Variants in SNRPN observed in about 807,000 individuals in gnomAD.
The protein encoded by SNRPN is small nuclear ribonucleoprotein-associated protein N.
SNRPN carries 7 observed loss-of-function variants against 25.2 expected under a neutral mutation model. The observed-to-expected ratio is 0.28, with a 90% CI of 0.16 to 0.52. The LOEUF (loss-of-function observed/expected upper bound fraction) is 0.52, where lower values mean the gene tolerates loss of function less well. Among genes scored for constraint, SNRPN ranks in the 20% least tolerant of loss-of-function variants. The probability of loss-of-function intolerance (pLI) is 0.96; values close to 1 mark genes in which losing one functional copy is unlikely to be tolerated. For missense variants in SNRPN, 196 were observed against 322.5 expected (o/e 0.61, Z 3.00); for synonymous variants, 124 against 110.6 (o/e 1.12, Z -0.76).
rs71127014 is a variant in SNRPN, at chr15:24,908,052, C to CAAAAAAA, written c.-504-11939_-504-11933dup. ...TGGGCAACAGAGCTAGACTCCATCT[C>CAAAAAAA]AAAAAAAAAAAAAAAAAAAAAAAAA... On this transcript the variant is annotated intron_variant, in intron 2 of 11. Transcript: ENST00000400097. Among the ~76,000 whole-genome samples, 15 of 70,702 alleles carry CAAAAAAA rather than the reference C, an allele frequency of 2.1e-4. 1 individual carries two copies. The highest frequency in any genetic ancestry group is 1.7e-3 in the East Asian group (4 of 2,418). 46.4% of individuals were successfully genotyped at this position (70,702 alleles called of 152,430 possible). A position where few individuals can be genotyped will look rare whatever the true frequency, so the allele number is the denominator to read the frequency against.
chr15:24,895,759 A>G (rs969710881), intron 2 of SNRPN, among the ~76,000 whole-genome samples: 1 of 152,170 alleles, frequency 6.6e-6, no homozygotes, highest in Non-Finnish European at 1.5e-5. Flanking sequence ...TTGTCCATAT[A>G]TTGAAGATAG....
intron 2 of SNRPN, among the ~76,000 whole-genome samples, chr15:24,899,270 A>G (rs577575423): frequency 7.2e-5 from 11 of 152,328 alleles, no homozygotes; most frequent in Non-Finnish European, 1.6e-4. Context: ...ATGTTTGAAG[A>G]TATGTTTTAA....
chr15:24,951,732 T>G (rs528242264), upstream of SNRPN, among the ~76,000 whole-genome samples: 4 of 152,308 alleles, frequency 2.6e-5, no homozygotes, highest in South Asian at 8.3e-4. Context: ...AGTCTCGAAC[T>G]GCTGGCCTCA....
chr15:24,934,271 C>A (rs1171608477), intron 3 of SNRPN, among the ~76,000 whole-genome samples: 13 of 152,146 alleles, frequency 8.5e-5, no homozygotes, highest in Admixed American at 2.6e-4. Context: ...GCACTCTAGC[C>A]TGGGCAACAG....
intron 2 of SNRPN, chr15:24,909,310 C>T (rs1303494765): frequency 1.2e-6 from 2 of 1,603,596 alleles, no homozygotes; most frequent in Admixed American, 1.7e-5. Flanking sequence ...GAGGGATAGA[C>T]AAGCCTCCAT....
At chr15:24,921,560 T>G (rs1022743587) in intron 3 of SNRPN, among the ~76,000 whole-genome samples, 2 of 152,110 alleles carry the variant, frequency 1.3e-5, no homozygotes, top group African/African-American at 4.8e-5. Context: ...CTCCTGTGGT[T>G]AAAGGGCTCC....
chr15:24,875,018 AT>A (rs755210774), intron 1 of SNRPN, among the ~76,000 whole-genome samples: 8 of 152,324 alleles, frequency 5.3e-5, no homozygotes, highest in Admixed American at 2.0e-4. Context: ...GATAAGATGT[AT>A]TTGTCCTATA....
upstream of SNRPN, among the ~76,000 whole-genome samples, chr15:24,856,108 A>T (rs931129766): frequency 9.9e-5 from 15 of 152,180 alleles, no homozygotes; most frequent in African/African-American, 3.6e-4. Flanking sequence ...TTTTAGTAAG[A>T]CACTTCATTT....
At chr15:24,966,292 T>A (rs532320635) in intron 2 of SNRPN, among the ~76,000 whole-genome samples, 163 of 152,274 alleles carry the variant, frequency 1.1e-3, no homozygotes, top group East Asian at 2.9e-3. Flanking sequence ...TAGTTTTTTT[T>A]ATAAAGGATA....
chr15:24,974,591 A>G (rs986295000), intron 4 of SNRPN, 135 bp downstream of exon 4: 2 of 855,960 alleles, frequency 2.3e-6, no homozygotes, highest in Admixed American at 3.5e-5. Flanking sequence ...TTCTCATTGC[A>G]TTGAGTATCA....
chr15:24,977,646 C>A, intron 7 of SNRPN, 132 bp from the exon 8 acceptor site: 1 of 882,946 alleles, frequency 1.1e-6, no homozygotes, highest in Non-Finnish European at 1.6e-6. Flanking sequence ...CAAAAAAAAA[C>A]ATGGGAATAA....
At chr15:24,869,577 C>A (rs1411086689) in intron 1 of SNRPN, among the ~76,000 whole-genome samples, 1 of 152,130 alleles carries the variant, frequency 6.6e-6, no homozygotes, top group African/African-American at 2.4e-5. Flanking sequence ...TGGGATTTCT[C>A]TGACATTTTT....
intron 3 of SNRPN, among the ~76,000 whole-genome samples, chr15:24,920,868 A>G (rs543406918): frequency 2.0e-5 from 3 of 152,334 alleles, no homozygotes; most frequent in Admixed American, 2.0e-4. Flanking sequence ...AAGCTCAGAC[A>G]TCATTTGCAT....
At chr15:24,966,842 G>C (rs1033476260) in intron 2 of SNRPN, among the ~76,000 whole-genome samples, 4 of 152,052 alleles carry the variant, frequency 2.6e-5, no homozygotes, top group Admixed American at 2.6e-4. Flanking sequence ...TGATCCCCCA[G>C]CTCCTCACCT....
chr15:24,925,618 A>C (rs892732111), intron 3 of SNRPN, among the ~76,000 whole-genome samples: 26 of 152,144 alleles, frequency 1.7e-4, no homozygotes, highest in Admixed American at 4.6e-4. Context: ...TTGTTGTTTA[A>C]TTAAAAGACA....
At chr15:24,877,396 A>G (rs1363877123) in intron 1 of SNRPN, among the ~76,000 whole-genome samples, 1 of 152,234 alleles carries the variant, frequency 6.6e-6, no homozygotes. Flanking sequence ...CAACAGAAAC[A>G]GGAACCAATG....
chr15:24,962,620 T>TA (rs2075009518), intron 2 of SNRPN, among the ~76,000 whole-genome samples: 1 of 152,172 alleles, frequency 6.6e-6, no homozygotes, highest in African/African-American at 2.4e-5. Flanking sequence ...TTTATTCTGT[T>TA]AAAATTTAAA....
At chr15:24,939,632 C>T (rs1462969759) in intron 3 of SNRPN, among the ~76,000 whole-genome samples, 7 of 152,034 alleles carry the variant, frequency 4.6e-5, no homozygotes, top group East Asian at 3.9e-4. Context: ...GGGGTTTCAC[C>T]GTGTTAACCA....
chr15:24,909,284 A>T, intron 2 of SNRPN: 3 of 1,602,024 alleles, frequency 1.9e-6, no homozygotes, highest in Non-Finnish European at 2.5e-6. Flanking sequence ...ATAACCAGGG[A>T]ATTGTTTGGT....
Sources: gnomAD v4.1 joint callset for allele counts (sites outside exome capture counted in the v4.1 genomes callset) on GRCh38, gnomAD v4.1.1 for gene constraint, MANE v1.5 for transcripts, NCBI Gene and HGNC (gene_info 2026-07-23, HGNC 2026-07-21) for gene names.